Variants in DMD observed in about 807,000 individuals in gnomAD.
The protein encoded by DMD is dystrophin.
Under a neutral mutation model 330.1 loss-of-function variants are expected in DMD, and 63 were observed. The ratio of observed to expected loss-of-function variants is 0.19; its 90% CI spans 0.16 to 0.24. The LOEUF is 0.24. Among genes scored for constraint, DMD ranks in the 10% least tolerant of loss-of-function variants. The pLI is 1.00. For missense variants in DMD, 3,344 were observed against 2,684.1 expected (o/e 1.25, Z -5.43); for synonymous variants, 1,223 against 959.8 (o/e 1.27, Z -5.07).
chrX:31,773,677 G>A (rs953638448), intron 51 of DMD, among the ~76,000 whole-genome samples: 15 of 103,817 alleles, frequency 1.4e-4, no homozygotes, highest in African/African-American at 5.0e-4. Flanking sequence ...AAAATACCAG[G>A]TTGTTTAGTA....
intron 47 of DMD, among the ~76,000 whole-genome samples, chrX:31,908,622 C>T (rs1226810487): frequency 3.8e-5 from 4 of 106,196 alleles, no homozygotes; most frequent in African/African-American, 1.1e-4. Flanking sequence ...ATGTAAATGA[C>T]GAGTTAATGG....
intron 38 of DMD, 34 bp from the exon 39 acceptor site, chrX:32,346,114 G>T: frequency 8.3e-7 from 1 of 1,199,854 alleles, no homozygotes; most frequent in Admixed American, 2.2e-5. Context: ...TCTTCATTTT[G>T]GTTTTTAAAA....
chrX:31,604,890 C>T (rs944073790), intron 55 of DMD, among the ~76,000 whole-genome samples: 10 of 111,432 alleles, frequency 9.0e-5, no homozygotes, highest in South Asian at 3.8e-4. Context: ...CATTTTGCTT[C>T]GGAGGAAATC....
chrX:31,480,690 G>A (rs944856647), intron 57 of DMD, among the ~76,000 whole-genome samples: 1 of 109,115 alleles, frequency 9.2e-6, no homozygotes, highest in Non-Finnish European at 1.9e-5. Context: ...GTTTGGACCT[G>A]AAGGGAGGCA....
chrX:32,022,800 A>G (rs766525107), intron 44 of DMD, among the ~76,000 whole-genome samples: 5 of 110,269 alleles, frequency 4.5e-5, no homozygotes, highest in Non-Finnish European at 9.5e-5. Flanking sequence ...TGGGCTTGGA[A>G]TCAAAGAGAA....
intron 60 of DMD, among the ~76,000 whole-genome samples, chrX:31,358,532 C>A (rs1016270104): frequency 8.9e-6 from 1 of 112,136 alleles, no homozygotes; most frequent in Non-Finnish European, 1.9e-5. Context: ...TGTGCCTTAG[C>A]AAAGAGAGAA....
intron 60 of DMD, among the ~76,000 whole-genome samples, chrX:31,370,098 C>CAAAAAAAAAAAAAAAAAA (rs59989996): frequency 5.1e-5 from 3 of 59,344 alleles, no homozygotes; most frequent in African/African-American, 2.4e-4. Context: ...GGCTCCGTCT[C>CAAAAAAAAAAAAAAAAAA]AAAAAAAAAA....
In DMD at chrX:31,735,426, G is replaced by A. The variant is rs190202361; in HGVS notation, c.7543-5678C>T. 3.9e-4 allele frequency among the ~76,000 whole-genome samples: 43 copies of A among 111,624 alleles called. No individual in the cohort carries two copies. The East Asian group carries it at 0.011, about 29-fold the overall frequency. Reference sequence around the variant, plus strand: ...CCCTAAACCTCTCATCAGCTCTTCAGTTCCATGTAACGTGATGGTTCCATG... The same window carrying A: ...CCCTAAACCTCTCATCAGCTCTTCAATTCCATGTAACGTGATGGTTCCATG... On this transcript the variant is annotated intron_variant, in intron 51 of 78. Transcript: ENST00000357033.
chrX:32,198,944 G>T, intron 44 of DMD, among the ~76,000 whole-genome samples: 1 of 112,487 alleles, frequency 8.9e-6, no homozygotes, highest in Non-Finnish European at 1.9e-5. Context: ...AGCCACCAAA[G>T]ATAAAACAGT....
intron 48 of DMD, among the ~76,000 whole-genome samples, chrX:31,858,591 TA>T (rs5901996): frequency 1.3e-4 from 14 of 106,778 alleles, no homozygotes; most frequent in Admixed American, 3.1e-4. Context: ...TAAAGTATAA[TA>T]AAAAAAATAA....
intron 45 of DMD, among the ~76,000 whole-genome samples, chrX:31,949,861 C>T (rs144549640): frequency 1.8e-3 from 199 of 108,866 alleles, no homozygotes; most frequent in African/African-American, 6.4e-3. Flanking sequence ...GTAGTAATTA[C>T]CCCTTTTTCC....
intron 55 of DMD, among the ~76,000 whole-genome samples, chrX:31,593,403 T>C (rs1447071797): frequency 9.0e-6 from 1 of 111,233 alleles, no homozygotes; most frequent in Non-Finnish European, 1.9e-5. Flanking sequence ...GATGCCCAAG[T>C]CCCACAGAAC....
intron 44 of DMD, among the ~76,000 whole-genome samples, chrX:32,214,277 C>T (rs990603775): frequency 1.2e-4 from 12 of 103,856 alleles, no homozygotes; most frequent in Non-Finnish European, 2.2e-4. Context: ...CGGTTTTCAA[C>T]ACATTGAACA....
At chrX:32,868,878 AC>A (rs952546758) in intron 2 of DMD, among the ~76,000 whole-genome samples, 2 of 111,701 alleles carry the variant, frequency 1.8e-5, no homozygotes, top group Non-Finnish European at 3.8e-5. Context: ...AGGACAGCAA[AC>A]CCCCTCGACC....
intron 1 of DMD, among the ~76,000 whole-genome samples, chrX:33,047,290 C>A (rs2094396223): frequency 9.0e-6 from 1 of 111,590 alleles, no homozygotes. Context: ...TACTGATGTA[C>A]CTAGATTTTT....
chrX:32,701,841 G>A (rs988163156), intron 7 of DMD, among the ~76,000 whole-genome samples: 3 of 111,423 alleles, frequency 2.7e-5, no homozygotes, highest in East Asian at 5.6e-4. Flanking sequence ...TTCAAACATT[G>A]TAATAAATTT....
intron 41 of DMD, among the ~76,000 whole-genome samples, chrX:32,330,311 C>A (rs1021032978): frequency 8.9e-6 from 1 of 111,933 alleles, no homozygotes; most frequent in Non-Finnish European, 1.9e-5. Context: ...ATATTATAAT[C>A]CTTTTATTTT....
At chrX:33,248,949 CCAATAAATGCAA>C (rs1420030022) in intron 1 of DMD, among the ~76,000 whole-genome samples, 1 of 111,507 alleles carries the variant, frequency 9.0e-6, no homozygotes, top group African/African-American at 3.3e-5. Flanking sequence ...AAACATAAAG[CCAATAAATGCAA>C]TTCAGCATGT....
At chrX:31,706,026 C>T (rs1179109729) in intron 52 of DMD, among the ~76,000 whole-genome samples, 2 of 110,799 alleles carry the variant, frequency 1.8e-5, no homozygotes, top group South Asian at 3.8e-4. Flanking sequence ...GGTCCTTTGA[C>T]GAAGCAAAGT....
Sources: allele counts gnomAD v4.1 joint callset (sites outside exome capture counted in the v4.1 genomes callset), GRCh38; gene constraint gnomAD v4.1.1; transcripts MANE v1.5; gene names NCBI Gene and HGNC (gene_info 2026-07-23, HGNC 2026-07-21).